Variants in VDAC2 observed in about 807,000 individuals in gnomAD.
VDAC2 encodes non-selective voltage-gated ion channel VDAC2.
A neutral mutation model predicts 36.6 loss-of-function variants in VDAC2; 6 were observed. That is an observed-to-expected ratio of 0.16 (90% CI 0.09 to 0.32). The LOEUF is 0.32. Among genes scored for constraint, VDAC2 ranks in the 10% least tolerant of loss-of-function variants. The probability of loss-of-function intolerance (pLI) is 1.00; values close to 1 mark genes in which losing one functional copy is unlikely to be tolerated. For synonymous variants in VDAC2, 109 were observed against 123.8 expected (o/e 0.88, Z 0.79); for missense variants, 247 against 346.0 (o/e 0.71, Z 2.27).
chr10:75,214,530 AT>A (rs1010525549), intron 4 of VDAC2, among the ~76,000 whole-genome samples: 34 of 147,952 alleles, frequency 2.3e-4, no homozygotes, highest in South Asian at 8.6e-4. Flanking sequence ...CCTGATCTGA[AT>A]TTTTTTTTTT....
chr10:75,229,855 C>T (rs1590016602), intron 9 of VDAC2, among the ~76,000 whole-genome samples, 154 bp downstream of exon 9: 1 of 148,494 alleles, frequency 6.7e-6, no homozygotes, highest in Non-Finnish European at 1.5e-5. Context: ...TTTTTTATTT[C>T]TTTTTCTTTG....
intron 2 of VDAC2, 154 bp downstream of exon 2, chr10:75,211,343 G>T: frequency 7.2e-7 from 1 of 1,392,948 alleles, no homozygotes; most frequent in South Asian, 1.4e-5. Flanking sequence ...CTCTGCGGAG[G>T]AGGGGCTGGG....
In VDAC2 at chr10:75,211,137, C is replaced by T. The variant is rs371515545; in HGVS notation, c.-22C>T. On this transcript the variant is annotated 5_prime_UTR_variant, in exon 2 of 10. Transcript: ENST00000332211. ...GCACTTCTTGTCCCTCCCGCAGATT[C>T]CCCTCTTCCCGCGGCCTCGCCATGG... 5.2e-5 allele frequency: 83 copies of T among 1,610,488 alleles called. 1 individual carries two copies. The South Asian group carries it at 7.3e-4, about 14-fold the overall frequency.
chr10:75,217,445 T>TGC (rs1321279163), intron 4 of VDAC2, among the ~76,000 whole-genome samples: 1 of 152,160 alleles, frequency 6.6e-6, no homozygotes, highest in African/African-American at 2.4e-5. Flanking sequence ...TGGTGCCATC[T>TGC]TGGCTCACTG....
At chr10:75,228,712 A>G (rs1842027458) in intron 8 of VDAC2, among the ~76,000 whole-genome samples, 1 of 151,966 alleles carries the variant, frequency 6.6e-6, no homozygotes, top group Admixed American at 6.6e-5. Flanking sequence ...GAGTATAGAC[A>G]TCGAATCATT....
chr10:75,213,092 T>A (rs1032558881), intron 3 of VDAC2, among the ~76,000 whole-genome samples: 4 of 152,180 alleles, frequency 2.6e-5, no homozygotes, highest in African/African-American at 9.7e-5. Flanking sequence ...TTTTTGTTTT[T>A]TTTTGAGACG....
chr10:75,221,051 G>A, intron 7 of VDAC2, 81 bp downstream of exon 7: 2 of 1,370,034 alleles, frequency 1.5e-6, no homozygotes, highest in South Asian at 1.4e-5. Context: ...TGATCTGGGT[G>A]CACCCTAAAG....
intron 2 of VDAC2, among the ~76,000 whole-genome samples, 190 bp from the exon 3 acceptor site, chr10:75,212,040 T>C (rs1264843253): frequency 6.6e-6 from 1 of 152,250 alleles, no homozygotes; most frequent in Non-Finnish European, 1.5e-5. Flanking sequence ...TTATCTGTTT[T>C]AGAAATAATT....
chr10:75,219,468 G>C, intron 6 of VDAC2, 112 bp downstream of exon 6: 8 of 870,086 alleles, frequency 9.2e-6, no homozygotes, highest in African/African-American at 1.7e-5. Context: ...TTGTGGTGGT[G>C]AAATCTCTGT....
chr10:75,211,439 T>A (rs1589995959), intron 2 of VDAC2: 2 of 1,482,114 alleles, frequency 1.3e-6, no homozygotes, highest in East Asian at 2.5e-5. Context: ...GTCTTTGACG[T>A]ATAGAAGTAA....
At chr10:75,212,435 C>CCCTGTCTCAAAAA in intron 3 of VDAC2, 137 bp downstream of exon 3, 1 of 800,722 alleles carries the variant, frequency 1.2e-6, no homozygotes, top group Non-Finnish European at 1.9e-6. Flanking sequence ...TTTTTTGAGA[C>CCCTGTCTCAAAAA]AGGGTCTCCC....
At chr10:75,210,658 G>C (rs1016084642), upstream of VDAC2, 1 of 153,088 alleles carries the variant, frequency 6.5e-6, no homozygotes, top group Non-Finnish European at 1.5e-5. Flanking sequence ...ACCGACGGAC[G>C]GAGGCAGCCC....
At chr10:75,211,390 T>C in intron 2 of VDAC2, 1 of 1,418,392 alleles carries the variant, frequency 7.1e-7, no homozygotes, top group South Asian at 1.5e-5. Context: ...GCCCGGGGAG[T>C]TGGTCTGTGG....
chr10:75,225,572 C>T (rs1329396857), intron 8 of VDAC2, among the ~76,000 whole-genome samples: 1 of 152,052 alleles, frequency 6.6e-6, no homozygotes, highest in Non-Finnish European at 1.5e-5. Context: ...GGGTGAGGGT[C>T]ACATTGTGCA....
At chr10:75,230,811 TG>T in intron 9 of VDAC2, 86 bp from the exon 10 acceptor site, 2 of 1,149,954 alleles carry the variant, frequency 1.7e-6, no homozygotes, top group Non-Finnish European at 1.2e-6. Flanking sequence ...AGGCAGGCTC[TG>T]GGGATGACTG....
chr10:75,224,044 T>G (rs1438257567), intron 8 of VDAC2, among the ~76,000 whole-genome samples: 1 of 152,214 alleles, frequency 6.6e-6, no homozygotes, highest in Non-Finnish European at 1.5e-5. Context: ...TGTGACCTGC[T>G]CTAGGAGATT....
chr10:75,222,972 A>G (rs1326767705), intron 8 of VDAC2, among the ~76,000 whole-genome samples: 1 of 142,872 alleles, frequency 7.0e-6, no homozygotes, highest in East Asian at 2.1e-4. Context: ...TTTAATCATC[A>G]CTTTGTCTTT....
intron 6 of VDAC2, among the ~76,000 whole-genome samples, chr10:75,220,472 G>A (rs1387252429): frequency 2.6e-5 from 4 of 152,156 alleles, no homozygotes; most frequent in African/African-American, 9.7e-5. Context: ...TTGCCTCTTT[G>A]TTGTTGCACT....
chr10:75,214,204 C>A, intron 4 of VDAC2, 134 bp downstream of exon 4: 2 of 867,278 alleles, frequency 2.3e-6, no homozygotes, highest in Non-Finnish European at 1.8e-6. Context: ...AAGAGATTTG[C>A]GTGTAACCTG....
Sources: gnomAD v4.1 joint callset for allele counts (sites outside exome capture counted in the v4.1 genomes callset) on GRCh38, gnomAD v4.1.1 for gene constraint, MANE v1.5 for transcripts, NCBI Gene and HGNC (gene_info 2026-07-23, HGNC 2026-07-21) for gene names.